Variants in RBMS3 observed in about 807,000 individuals in gnomAD.
RBMS3 encodes RNA-binding motif, single-stranded-interacting protein 3.
A neutral mutation model predicts 66.8 loss-of-function variants in RBMS3; 27 were observed. The ratio of observed to expected loss-of-function variants is 0.40; its 90% CI spans 0.30 to 0.56. The LOEUF (loss-of-function observed/expected upper bound fraction) is 0.56, where lower values mean the gene tolerates loss of function less well. Among genes scored for constraint, RBMS3 ranks in the 20% least tolerant of loss-of-function variants. RBMS3 has a pLI of 0.40. For missense variants in RBMS3, 513 were observed against 549.5 expected (o/e 0.93, Z 0.66); for synonymous variants, 188 against 183.0 (o/e 1.03, Z -0.22).
intron 2 of RBMS3, among the ~76,000 whole-genome samples, chr3:29,435,735 C>T (rs545661301): frequency 2.6e-5 from 4 of 151,974 alleles, no homozygotes; most frequent in African/African-American, 9.7e-5. Context: ...GTCAGGAGAT[C>T]GAGACCTGAC....
chr3:29,751,234 C>T (rs919605273), intron 5 of RBMS3, among the ~76,000 whole-genome samples: 1 of 152,106 alleles, frequency 6.6e-6, no homozygotes, highest in Non-Finnish European at 1.5e-5. Flanking sequence ...AAGGAGAAAA[C>T]CAAGTTTTAC....
At chr3:29,635,675 T>G (rs1426551205) in intron 4 of RBMS3, among the ~76,000 whole-genome samples, 2 of 151,834 alleles carry the variant, frequency 1.3e-5, no homozygotes, top group Non-Finnish European at 2.9e-5. Flanking sequence ...ATGCGATAGA[T>G]GCATGTCTCA....
At chr3:29,734,219 A>C (rs2054274481) in intron 4 of RBMS3, among the ~76,000 whole-genome samples, 1 of 152,096 alleles carries the variant, frequency 6.6e-6, no homozygotes, top group Admixed American at 6.6e-5. Context: ...CAGAGAGTAG[A>C]ACTATGGTTA....
intron 3 of RBMS3, among the ~76,000 whole-genome samples, chr3:29,545,238 T>A (rs534063745): frequency 7.2e-4 from 110 of 152,238 alleles, no homozygotes; most frequent in African/African-American, 2.4e-3. Context: ...TGGAAAGAAA[T>A]AAGCTATAAA....
intron 5 of RBMS3, among the ~76,000 whole-genome samples, chr3:29,760,865 A>G (rs1443616988): frequency 1.3e-5 from 2 of 151,986 alleles, no homozygotes; most frequent in Admixed American, 1.3e-4. Context: ...TTTTGTTTTT[A>G]TTTTTATCTA....
intron 4 of RBMS3, among the ~76,000 whole-genome samples, chr3:29,697,380 T>A (rs2052327005): frequency 6.6e-6 from 1 of 152,230 alleles, no homozygotes; most frequent in South Asian, 2.1e-4. Flanking sequence ...TACATGCTTG[T>A]CCATCTCTCT....
At chr3:29,654,763 CGT>C (rs1491206156) in intron 4 of RBMS3, among the ~76,000 whole-genome samples, 1 of 147,018 alleles carries the variant, frequency 6.8e-6, no homozygotes, top group African/African-American at 2.5e-5. Flanking sequence ...TTAATTTTTG[CGT>C]TTTTTTTTTT....
chr3:29,551,521 T>C (rs2046178329), intron 3 of RBMS3, among the ~76,000 whole-genome samples: 1 of 152,058 alleles, frequency 6.6e-6, no homozygotes, highest in South Asian at 2.1e-4. Flanking sequence ...ATTAGAAAAA[T>C]AAAATAGGGA....
At chr3:29,435,033 T>C (rs2041346576) in intron 2 of RBMS3, 118 bp downstream of exon 2, 1 of 1,065,532 alleles carries the variant, frequency 9.4e-7, no homozygotes. Context: ...AAGACTCTTC[T>C]TTACAAACAG....
intron 1 of RBMS3, among the ~76,000 whole-genome samples, chr3:29,365,122 A>G (rs992379265): frequency 1.2e-4 from 19 of 152,150 alleles, no homozygotes; most frequent in African/African-American, 4.6e-4. Flanking sequence ...AAGATTATTC[A>G]ATAGTACCTA....
chr3:29,789,798 C>T (rs1559674038), intron 6 of RBMS3, among the ~76,000 whole-genome samples: 1 of 152,124 alleles, frequency 6.6e-6, no homozygotes, highest in African/African-American at 2.4e-5. Context: ...ATCCTTAATT[C>T]GAAGTGAGAG....
chr3:29,750,978 A>T (rs146007494), intron 5 of RBMS3, among the ~76,000 whole-genome samples: 1 of 152,336 alleles, frequency 6.6e-6, no homozygotes, highest in African/African-American at 2.4e-5. Flanking sequence ...AAAACTCATG[A>T]TCAAAATAGA....
chr3:29,739,973 G>T (rs1203781797), intron 5 of RBMS3, 96 bp downstream of exon 5: 4 of 635,256 alleles, frequency 6.3e-6, no homozygotes, highest in East Asian at 4.5e-5. Context: ...AATAGAATAT[G>T]CAAAAAAAAA....
At chr3:30,002,263 A>G (rs1411330862) in intron 14 of RBMS3, among the ~76,000 whole-genome samples, 2 of 152,024 alleles carry the variant, frequency 1.3e-5, no homozygotes, top group East Asian at 1.9e-4. Context: ...ACTGTAGTCC[A>G]CTGAATAAGA....
intron 1 of RBMS3, among the ~76,000 whole-genome samples, chr3:29,409,665 C>T (rs988296927): frequency 2.0e-5 from 3 of 152,164 alleles, no homozygotes; most frequent in Non-Finnish European, 4.4e-5. Context: ...TTATCATACT[C>T]GTGACTATCT....
chr3:29,732,573 A>G (rs17615827), intron 4 of RBMS3, among the ~76,000 whole-genome samples: 49,886 of 151,862 alleles, frequency 0.33, 8,355 homozygotes, highest in South Asian at 0.43. Context: ...GGCTTCCATC[A>G]GTTCTCATCT....
chr3:29,473,934 C>G (rs2042856058), intron 2 of RBMS3, among the ~76,000 whole-genome samples: 1 of 152,226 alleles, frequency 6.6e-6, no homozygotes, highest in African/African-American at 2.4e-5. Flanking sequence ...CTTGGCCAGA[C>G]CAGAAAGGGG....
At chr3:29,970,869 C>A (rs1489029464) in intron 12 of RBMS3, among the ~76,000 whole-genome samples, 1 of 152,164 alleles carries the variant, frequency 6.6e-6, no homozygotes, top group African/African-American at 2.4e-5. Flanking sequence ...ATAACTTCAA[C>A]TTGAATATAA....
rs1392346268 is a variant in RBMS3 at position 29,281,693 on chromosome 3, C to T, written c.12C>T (p.Arg4=). ...AAGATTCCAGCTACATGGGCAAACG[C>T]CTGGATCAGCCACAAATGTACCCCC... The part of the protein sequence containing the change: MGK[R]LDQPQMYPQY... The change falls in exon 1 of 15, where the codon CGC becomes CGT. Residue 4 remains arginine (R), a synonymous_variant. Coordinates refer to ENST00000383767, the MANE Select transcript of RBMS3 (RefSeq NM_001003793.3). The T allele has an allele frequency of 1.9e-6, 3 of 1,613,404 alleles. No individual in the cohort carries two copies. Among genetic ancestry groups the T allele is most frequent in the African/African-American group, 2.7e-5 (2 of 74,860 alleles).
Sources: gnomAD v4.1 joint callset for allele counts (sites outside exome capture counted in the v4.1 genomes callset) on GRCh38, gnomAD v4.1.1 for gene constraint, MANE v1.5 for transcripts, NCBI Gene and HGNC (gene_info 2026-07-23, HGNC 2026-07-21) for gene names.